FZR1: variants seen among roughly 807,000 people sequenced by gnomAD.
FZR1 encodes the protein fizzy-related protein homolog.
In FZR1, 11 loss-of-function variants were observed where a neutral mutation model predicts 63.6. The observed-to-expected ratio is 0.17, with a 90% CI of 0.11 to 0.29. The LOEUF is 0.29. FZR1 is among the 10% of genes least tolerant of loss of function. The pLI is 1.00. For synonymous variants in FZR1, 328 were observed against 297.9 expected (o/e 1.10, Z -1.04); for missense variants, 440 against 687.5 (o/e 0.64, Z 4.03).
rs1467414793 is a variant in FZR1 at position 3,535,863 on chromosome 19, G to A, written c.*1027G>A. On this transcript the variant is annotated 3_prime_UTR_variant, in exon 14 of 14. Coordinates refer to ENST00000441788, the MANE Select transcript of FZR1 (RefSeq NM_016263.4). Reference sequence around the variant, plus strand: ...AGCCAAGGAGACCCAAGGGGTCCAGGAGGTGGGCGCCCTCCATCCTTCGAG... The same window carrying A: ...AGCCAAGGAGACCCAAGGGGTCCAGAAGGTGGGCGCCCTCCATCCTTCGAG... 1 of 152,364 alleles carries A rather than the reference G, an allele frequency of 6.6e-6. No homozygotes were observed. The highest frequency in any genetic ancestry group is 2.4e-5 in the African/African-American group (1 of 41,468). 9.4% of individuals were successfully genotyped at this position (152,364 alleles called of 1,614,324 possible). A position where few individuals can be genotyped will look rare whatever the true frequency, so the allele number is the denominator to read the frequency against.
In FZR1 at chr19:3,534,942, C is replaced by T. The variant is rs1180973756; in HGVS notation, c.*106C>T. 1.1e-5 allele frequency: 10 copies of T among 929,330 alleles called. No individual in the cohort carries two copies. Among genetic ancestry groups the T allele is most frequent in the African/African-American group, 4.8e-5 (3 of 62,068 alleles). 57.6% of individuals were successfully genotyped at this position (929,330 alleles called of 1,614,324 possible). ...CCCAGCGCTTGTCCCCCGAGGAAGG[C>T]GGCTGGGCGGGCGGGGAGCTGGGCC... On this transcript the variant is annotated 3_prime_UTR_variant, in exon 14 of 14. Coordinates refer to ENST00000441788, the MANE Select transcript of FZR1 (RefSeq NM_016263.4).
intron 1 of FZR1, among the ~76,000 whole-genome samples, chr19:3,517,554 G>T (rs1400120688): frequency 3.9e-5 from 6 of 152,002 alleles, no homozygotes; most frequent in African/African-American, 1.4e-4. Context: ...TGGGTGTGGT[G>T]GTGAGTGCCT....
At chr19:3,527,894 G>T in intron 7 of FZR1, 80 bp downstream of exon 7, 1 of 1,178,342 alleles carries the variant, frequency 8.5e-7, no homozygotes, top group Non-Finnish European at 1.2e-6. Context: ...CCGGGATCCA[G>T]GGAGCATCAG....
Position 3,525,006 on chromosome 19 carries a change from GACCC to G in FZR1, c.70-861_70-858del, listed in dbSNP as rs1248225982. 2.6e-5 allele frequency among the ~76,000 whole-genome samples: 4 copies of G among 152,122 alleles called. No homozygotes were observed. The highest frequency in any genetic ancestry group is 6.5e-5 in the Admixed American group (1 of 15,268). On this transcript the variant is annotated intron_variant, in intron 2 of 13. Transcript: ENST00000441788. The surrounding 1 kb of genome is among the most constrained non-coding windows in gnomAD (Gnocchi z 4.2). ...TAGGGACACCGGTCAGCTGATAACA[GACCC>G]CTCATAGAAAAAAGACGGCGCGGGG... is the stretch of plus-strand genomic sequence containing the variant.
At chr19:3,511,949 G>A (rs539354147) in intron 1 of FZR1, among the ~76,000 whole-genome samples, 282 of 152,262 alleles carry the variant, frequency 1.9e-3, no homozygotes, top group African/African-American at 6.6e-3. Context: ...GTGCCTCAGT[G>A]GTCTCTCCGC....
chr19:3,534,604 C>T (rs1232794713), intron 13 of FZR1, 91 bp downstream of exon 13: 6 of 960,762 alleles, frequency 6.2e-6, no homozygotes, highest in African/African-American at 3.2e-5. Context: ...GTACCCTCCT[C>T]TGGGTTCCCC....
rs1396149933 is a variant in FZR1, at chr19:3,525,253, T to C, written c.70-615T>C. Among the ~76,000 whole-genome samples, 2 of 151,930 alleles carry C rather than the reference T, an allele frequency of 1.3e-5. No homozygotes were observed. The highest frequency in any genetic ancestry group is 4.8e-5 in the African/African-American group (2 of 41,340). On this transcript the variant is annotated intron_variant, in intron 2 of 13. Coordinates refer to ENST00000441788, the MANE Select transcript of FZR1 (RefSeq NM_016263.4). The surrounding 1 kb of genome is among the most constrained non-coding windows in gnomAD (Gnocchi z 4.2). ...CTCCCTGGCTCTGTCCCCTCCGCCA[T>C]GGCCCCCATTCCTGCCACTCCACCC... is the stretch of plus-strand genomic sequence containing the variant.
At chr19:3,528,388 C>A (rs375723410) in intron 7 of FZR1, among the ~76,000 whole-genome samples, 24 of 152,238 alleles carry the variant, frequency 1.6e-4, no homozygotes, top group African/African-American at 5.8e-4. Flanking sequence ...ATGAGCTGCT[C>A]CCGCTGGCAG....
chr19:3,536,349 C>G lies in FZR1; in HGVS notation c.*1513C>G, dbSNP rs910106305. 2.0e-5 allele frequency: 3 copies of G among 152,152 alleles called. No individual in the cohort carries two copies. Among genetic ancestry groups the G allele is most frequent in the African/African-American group, 7.2e-5 (3 of 41,420 alleles). 9.4% of individuals were successfully genotyped at this position (152,152 alleles called of 1,614,324 possible). On this transcript the variant is annotated 3_prime_UTR_variant, in exon 14 of 14. Coordinates refer to ENST00000441788, the MANE Select transcript of FZR1 (RefSeq NM_016263.4). ...CTTCCACATTCACTGGAGAGACTCT[C>G]CCCACCTCTGTCTGGGTGGGGCGCG...
At chr19:3,518,869 A>T (rs1181518135) in intron 1 of FZR1, among the ~76,000 whole-genome samples, 1 of 152,010 alleles carries the variant, frequency 6.6e-6, no homozygotes, top group Non-Finnish European at 1.5e-5. Context: ...CTGTCTCCAT[A>T]AAAAAAAGTG....
intron 7 of FZR1, among the ~76,000 whole-genome samples, 164 bp from the exon 8 acceptor site, chr19:3,530,628 G>A (rs1250446310): frequency 6.6e-6 from 1 of 152,004 alleles, no homozygotes; most frequent in African/African-American, 2.4e-5. Flanking sequence ...GCAGATGGGT[G>A]AGTGGATGGA....
intron 1 of FZR1, among the ~76,000 whole-genome samples, chr19:3,519,055 A>C (rs2083079615): frequency 6.6e-6 from 1 of 152,202 alleles, no homozygotes; most frequent in Admixed American, 6.5e-5. Flanking sequence ...CACATCCAAC[A>C]CAGGATGGGG....
rs542831483 is a variant in FZR1, at chr19:3,533,709, C to T, written c.1347+311C>T. On this transcript the variant is annotated intron_variant, in intron 12 of 13. Coordinates refer to ENST00000441788, the MANE Select transcript of FZR1 (RefSeq NM_016263.4). This position sits in a 1 kb window ranked among gnomAD's most constrained non-coding sequence, Gnocchi z 4.9. ...GCCAAAACCAACTCACAGCTGACCA[C>T]TCAGATGACCCTGTGAACGTCCTAC... 88 of 353,140 alleles carry T rather than the reference C, an allele frequency of 2.5e-4. 1 individual carries two copies. In the South Asian group the frequency reaches 2.6e-3, roughly 11 times the overall value. The allele number at this position is 353,140 out of a possible 1,614,324, so 21.9% of individuals were successfully genotyped here.
At chr19:3,507,634 A>G (rs2082994480) in intron 1 of FZR1, among the ~76,000 whole-genome samples, 2 of 152,140 alleles carry the variant, frequency 1.3e-5, no homozygotes, top group African/African-American at 4.8e-5. Flanking sequence ...TACCTAAGGG[A>G]AAACCATCCA....
rs757182205 is a variant in FZR1, at chr19:3,525,832, G to T, written c.70-36G>T. 2 of 1,600,024 alleles carry T rather than the reference G, an allele frequency of 1.2e-6. No individual in the cohort carries two copies. Among genetic ancestry groups the T allele is most frequent in the South Asian group, 2.2e-5 (2 of 90,776 alleles). ...CTGGGGGCACTCTCGGGGGGCTCTC[G>T]GTGCTGAGAGCAAGCCCTCTGCTGA... On this transcript the variant is annotated intron_variant, in intron 2 of 13. Transcript: ENST00000441788. The surrounding 1 kb of genome is among the most constrained non-coding windows in gnomAD (Gnocchi z 4.2).
Position 3,533,443 on chromosome 19 carries a change from A to G in FZR1, c.1347+45A>G. The G allele has an allele frequency of 8.2e-7, 1 of 1,226,238 alleles. No individual in the cohort carries two copies. The highest frequency in any genetic ancestry group is 1.2e-6 in the Non-Finnish European group (1 of 828,734). The allele number at this position is 1,226,238 out of a possible 1,614,324, so 76.0% of individuals were successfully genotyped here. On this transcript the variant is annotated intron_variant, in intron 12 of 13. Transcript: ENST00000441788. The surrounding 1 kb of genome is among the most constrained non-coding windows in gnomAD (Gnocchi z 4.9). ...TTCAAGGTGCCCCGGGATTCTGGAC[A>G]AACTGCCATGGCCACCCCAGAGCAC...
intron 2 of FZR1, among the ~76,000 whole-genome samples, chr19:3,524,341 G>A (rs149444346): frequency 1.1e-4 from 16 of 152,370 alleles, no homozygotes; most frequent in Non-Finnish European, 1.8e-4. Context: ...GGGTGTGAAC[G>A]GGAGATGGGG....
chr19:3,510,683 C>G lies in FZR1; in HGVS notation c.-35+4209C>G, dbSNP rs752895537. On this transcript the variant is annotated intron_variant, in intron 1 of 13. Transcript: ENST00000441788. ...AGGAGTGTGGGAGGCCAGTGCTGGT[C>G]TGTTTGCCCTGGAGAGCAACTCTTC... is the stretch of plus-strand genomic sequence containing the variant. 2.6e-5 allele frequency among the ~76,000 whole-genome samples: 4 copies of G among 152,296 alleles called. No homozygotes were observed. In the South Asian group the frequency reaches 8.3e-4, roughly 32 times the overall value.
intron 7 of FZR1, among the ~76,000 whole-genome samples, chr19:3,530,220 G>GGATGGGTGAGCGGATGGGAGAGCA (rs1367127925): frequency 7.2e-6 from 1 of 138,340 alleles, no homozygotes; most frequent in Admixed American, 7.1e-5. Flanking sequence ...ATGGGAGAGT[G>GGATGGGTGAGCGGATGGGAGAGCA]GATGGGTGAG....
Sources: allele counts gnomAD v4.1 joint callset (sites outside exome capture counted in the v4.1 genomes callset), GRCh38; gene constraint gnomAD v4.1.1; non-coding constraint Gnocchi (gnomAD v3.1); transcripts MANE v1.5; gene names NCBI Gene and HGNC (gene_info 2026-07-23, HGNC 2026-07-21).